CDH13: variants seen among roughly 807,000 people sequenced by gnomAD.
CDH13 encodes the protein cadherin 13, also known as cadherin-13.
CDH13 carries 24 observed loss-of-function variants against 63.8 expected under a neutral mutation model. That is an observed-to-expected ratio of 0.38 (90% CI 0.27 to 0.53). The LOEUF is 0.53. CDH13 is among the 20% of genes least tolerant of loss of function. The pLI, the probability that CDH13 is intolerant of heterozygous loss-of-function variation, is 0.85. For synonymous variants in CDH13, 503 were observed against 355.3 expected (o/e 1.42, Z -4.67); for missense variants, 1,049 against 903.1 (o/e 1.16, Z -2.07).
chr16:83,117,094 C>G (rs1333837361), intron 3 of CDH13, among the ~76,000 whole-genome samples: 1 of 152,208 alleles, frequency 6.6e-6, no homozygotes, highest in Non-Finnish European at 1.5e-5. Flanking sequence ...TTACTTTTAT[C>G]CCTTTGAGTC....
At chr16:83,252,076 AGTATATAT>A (rs201928957) in intron 5 of CDH13, among the ~76,000 whole-genome samples, 41,609 of 140,682 alleles carry the variant, frequency 0.3, 6,420 homozygotes, top group East Asian at 0.4. Context: ...ATATATATAT[AGTATATAT>A]GTATATATGT....
chr16:82,903,345 C>T (rs993332698), intron 2 of CDH13, among the ~76,000 whole-genome samples: 3 of 152,192 alleles, frequency 2.0e-5, no homozygotes, highest in Admixed American at 6.5e-5. Flanking sequence ...CTGCACCTGT[C>T]CTCTTTGGAG....
At chr16:82,640,923 G>A (rs776779746) in intron 1 of CDH13, among the ~76,000 whole-genome samples, 2 of 152,256 alleles carry the variant, frequency 1.3e-5, no homozygotes, top group East Asian at 1.9e-4. Flanking sequence ...GGTTAAACAC[G>A]CTCTTGGATT....
chr16:83,316,290 A>T (rs988655263), intron 5 of CDH13, among the ~76,000 whole-genome samples: 1 of 152,254 alleles, frequency 6.6e-6, no homozygotes, highest in African/African-American at 2.4e-5. Context: ...ACACAGAGGC[A>T]GACCATATCA....
intron 1 of CDH13, chr16:82,688,979 C>T (rs892806424): frequency 6.6e-6 from 1 of 152,300 alleles, no homozygotes; most frequent in African/African-American, 2.4e-5. Context: ...CCACGGAGAA[C>T]CAGGGCACCT....
chr16:82,690,101 G>A (rs12448602), intron 1 of CDH13, among the ~76,000 whole-genome samples: 1 of 143,304 alleles, frequency 7.0e-6, no homozygotes, highest in African/African-American at 2.6e-5. Flanking sequence ...CTGGGAGGCA[G>A]AGGTTGCAGT....
At chr16:83,723,187 G>T (rs549227686) in intron 10 of CDH13, among the ~76,000 whole-genome samples, 2 of 152,348 alleles carry the variant, frequency 1.3e-5, no homozygotes, top group South Asian at 4.1e-4. Flanking sequence ...TTGGCAGAAG[G>T]ATTTGGAAGT....
At chr16:83,703,651 G>T (rs7198067) in intron 10 of CDH13, among the ~76,000 whole-genome samples, 1 of 152,250 alleles carries the variant, frequency 6.6e-6, no homozygotes, top group East Asian at 1.9e-4. Flanking sequence ...TCTTCACACT[G>T]TCTTGTATTA....
chr16:83,361,511 A>G (rs1567617121), intron 6 of CDH13, among the ~76,000 whole-genome samples: 1 of 152,206 alleles, frequency 6.6e-6, no homozygotes, highest in South Asian at 2.1e-4. Context: ...CCCAAGGCCA[A>G]TGTCCAGAAT....
chr16:82,731,765 G>C (rs1229276909), intron 1 of CDH13, among the ~76,000 whole-genome samples: 1 of 152,206 alleles, frequency 6.6e-6, no homozygotes, highest in Non-Finnish European at 1.5e-5. Context: ...ATAGAAAATT[G>C]TGTGTTTTAT....
chr16:82,811,161 C>T (rs2037423826), intron 1 of CDH13, among the ~76,000 whole-genome samples: 1 of 152,072 alleles, frequency 6.6e-6, no homozygotes, highest in South Asian at 2.1e-4. Context: ...TCTGTCTTAC[C>T]AGCTTGTCAA....
intron 2 of CDH13, among the ~76,000 whole-genome samples, chr16:83,022,709 C>T (rs1281009497): frequency 2.0e-5 from 3 of 152,152 alleles, no homozygotes; most frequent in Non-Finnish European, 2.9e-5. Flanking sequence ...TCCTTGCACA[C>T]ATGTACAAGT....
Position 83,335,091 on chromosome 16 carries a change from A to C in CDH13, c.637-9771A>C, listed in dbSNP as rs373254491. On this transcript the variant is annotated intron_variant, in intron 5 of 13. Coordinates refer to ENST00000567109, the MANE Select transcript of CDH13 (RefSeq NM_001257.5). ...TTAAAAAATCTTCCAATCACACTCT[A>C]CCTTGCAAGATTATCTGTTATAAAT... Among the ~76,000 whole-genome samples the C allele has an allele frequency of 5.9e-5, 9 of 152,246 alleles. No individual in the cohort carries two copies. In the South Asian group the frequency reaches 1.9e-3, roughly 32 times the overall value.
intron 1 of CDH13, among the ~76,000 whole-genome samples, chr16:82,793,615 A>G (rs977890516): frequency 6.6e-6 from 1 of 152,124 alleles, no homozygotes; most frequent in Non-Finnish European, 1.5e-5. Flanking sequence ...CAAAACCCTG[A>G]AAGTATTTTT....
intron 1 of CDH13, among the ~76,000 whole-genome samples, chr16:82,791,500 C>A (rs891160015): frequency 6.6e-6 from 1 of 152,176 alleles, no homozygotes; most frequent in African/African-American, 2.4e-5. Flanking sequence ...GGTCCCCTCC[C>A]ATTGTATGGG....
At chr16:83,766,065 T>A (rs1914360972) in intron 11 of CDH13, among the ~76,000 whole-genome samples, 1 of 152,152 alleles carries the variant, frequency 6.6e-6, no homozygotes, top group South Asian at 2.1e-4. Context: ...GGGCCCATCT[T>A]CCTGATTATC....
At chr16:83,634,910 C>G (rs1276448462) in intron 8 of CDH13, among the ~76,000 whole-genome samples, 17 of 152,162 alleles carry the variant, frequency 1.1e-4, no homozygotes, top group Admixed American at 1.1e-3. Context: ...TTGTGTAAGG[C>G]TTTTGTGTGA....
chr16:82,993,847 C>T (rs1197457389), intron 2 of CDH13, among the ~76,000 whole-genome samples: 1 of 152,140 alleles, frequency 6.6e-6, no homozygotes, highest in Non-Finnish European at 1.5e-5. Context: ...GGTGGAATCT[C>T]TTAACTGCAG....
intron 10 of CDH13, among the ~76,000 whole-genome samples, chr16:83,702,400 C>T (rs2150910064): frequency 6.6e-6 from 1 of 152,262 alleles, no homozygotes; most frequent in African/African-American, 2.4e-5. Context: ...GTTCAGAGAT[C>T]CTTGGCACCT....
Sources: allele counts gnomAD v4.1 joint callset (sites outside exome capture counted in the v4.1 genomes callset), GRCh38; gene constraint gnomAD v4.1.1; transcripts MANE v1.5; gene names NCBI Gene and HGNC (gene_info 2026-07-23, HGNC 2026-07-21).